The following FDFT1 variants were observed in gnomAD, a reference collection of about 807,000 sequenced individuals.
FDFT1 encodes the protein squalene synthase.
A neutral mutation model predicts 46.8 loss-of-function variants in FDFT1; 68 were observed. The ratio of observed to expected loss-of-function variants is 1.45; its 90% confidence interval spans 1.19 to 1.78. The LOEUF is 1.78. Ranked by LOEUF, FDFT1 falls within the 40% of genes most tolerant of loss-of-function variation. FDFT1 has a pLI of 0.00. For synonymous variants in FDFT1, 351 were observed against 185.1 expected (o/e 1.90, Z -7.28); for missense variants, 928 against 524.4 (o/e 1.77, Z -7.52).
At chr8:11,823,279 T>G (rs964046451) in intron 4 of FDFT1, among the ~76,000 whole-genome samples, 3 of 152,146 alleles carry the variant, frequency 2.0e-5, no homozygotes, top group African/African-American at 7.2e-5. Context: ...TTCTTCTACT[T>G]TGGGGGAAGA....
At chr8:11,798,848 A>C (rs11774161), upstream of FDFT1, among the ~76,000 whole-genome samples, 16,857 of 152,246 alleles carry the variant, frequency 0.11, 1,029 homozygotes, top group South Asian at 0.13. Flanking sequence ...TTAGATTTCT[A>C]GTGTTGACTT....
At chr8:11,797,353 C>G (rs1016489716), upstream of FDFT1, among the ~76,000 whole-genome samples, 3 of 152,186 alleles carry the variant, frequency 2.0e-5, no homozygotes, top group Non-Finnish European at 4.4e-5. Flanking sequence ...ACACCTAAGT[C>G]AGACTGAGGG....
chr8:11,799,434 G>A (rs537482537), upstream of FDFT1, among the ~76,000 whole-genome samples: 2 of 152,366 alleles, frequency 1.3e-5, no homozygotes, highest in African/African-American at 4.8e-5. Flanking sequence ...TTCTTCAAGT[G>A]TAGGGGTGCC....
chr8:11,827,517 A>AG (rs1400412659), intron 5 of FDFT1, among the ~76,000 whole-genome samples: 1 of 151,812 alleles, frequency 6.6e-6, no homozygotes, highest in Non-Finnish European at 1.5e-5. Context: ...AACTGTCTCA[A>AG]GAAAAAAAAA....
intron 3 of FDFT1, among the ~76,000 whole-genome samples, chr8:11,814,986 T>G (rs933804834): frequency 6.6e-6 from 1 of 152,144 alleles, no homozygotes; most frequent in Non-Finnish European, 1.5e-5. Context: ...GTCATTTACA[T>G]TAGGTATTTC....
intron 3 of FDFT1, among the ~76,000 whole-genome samples, chr8:11,816,117 A>C (rs1230929427): frequency 6.6e-6 from 1 of 152,224 alleles, no homozygotes; most frequent in Non-Finnish European, 1.5e-5. Flanking sequence ...GCATTTATTA[A>C]ATAGGGAATC....
At chr8:11,806,293 C>G (rs1442703801) in intron 1 of FDFT1, among the ~76,000 whole-genome samples, 1 of 152,160 alleles carries the variant, frequency 6.6e-6, no homozygotes, top group East Asian at 1.9e-4. Context: ...CACCAGTAGC[C>G]TGAGCTTGCT....
At chr8:11,833,783 G>C (rs1586007944) in intron 7 of FDFT1, among the ~76,000 whole-genome samples, 1 of 152,170 alleles carries the variant, frequency 6.6e-6, no homozygotes, top group African/African-American at 2.4e-5. Flanking sequence ...ATATTTTTTG[G>C]CCCTTGAATA....
At chr8:11,829,625 A>C (rs1332545046) in intron 5 of FDFT1, among the ~76,000 whole-genome samples, 1 of 152,204 alleles carries the variant, frequency 6.6e-6, no homozygotes, top group African/African-American at 2.4e-5. Flanking sequence ...AGTAGCTCTA[A>C]CAGGAGCCTC....
At chr8:11,814,129 CTG>C (rs1808114786) in intron 3 of FDFT1, among the ~76,000 whole-genome samples, 1 of 152,174 alleles carries the variant, frequency 6.6e-6, no homozygotes, top group Non-Finnish European at 1.5e-5. Flanking sequence ...AACCAAGGAT[CTG>C]TGGAATGAGC....
At chr8:11,837,941 C>G (rs1019456094) in intron 7 of FDFT1, among the ~76,000 whole-genome samples, 1 of 152,156 alleles carries the variant, frequency 6.6e-6, no homozygotes, top group African/African-American at 2.4e-5. Flanking sequence ...CTGTTCCTGT[C>G]CCCCTTTGTC....
chr8:11,801,087 T>C (rs1277404579), upstream of FDFT1, among the ~76,000 whole-genome samples: 1 of 151,996 alleles, frequency 6.6e-6, no homozygotes, highest in East Asian at 1.9e-4. Flanking sequence ...CTAGATGAGG[T>C]GTGAGCAGAC....
chr8:11,824,151 C>T (rs920084205), intron 4 of FDFT1, among the ~76,000 whole-genome samples: 2 of 152,154 alleles, frequency 1.3e-5, no homozygotes, highest in African/African-American at 2.4e-5. Context: ...GCGTGAACTT[C>T]GGTCATTTCC....
chr8:11,803,435 C>CT, intron 1 of FDFT1: 1 of 1,286,522 alleles, frequency 7.8e-7, no homozygotes, highest in Non-Finnish European at 1.0e-6. Flanking sequence ...TCGGTGCTTC[C>CT]TGAGTTTTAA....
At chr8:11,826,516 A>G (rs1421553151) in intron 5 of FDFT1, among the ~76,000 whole-genome samples, 3 of 152,214 alleles carry the variant, frequency 2.0e-5, no homozygotes, top group African/African-American at 7.2e-5. Context: ...AAAAGTTCTT[A>G]GGAATGGCTT....
intron 3 of FDFT1, among the ~76,000 whole-genome samples, chr8:11,813,433 C>G (rs892240866): frequency 2.0e-5 from 3 of 152,168 alleles, no homozygotes; most frequent in African/African-American, 7.2e-5. Context: ...CATCGTTTAA[C>G]AGGGAAATTA....
intron 3 of FDFT1, among the ~76,000 whole-genome samples, chr8:11,815,040 C>T (rs1808261202): frequency 6.6e-6 from 1 of 152,064 alleles, no homozygotes; most frequent in South Asian, 2.1e-4. Context: ...CACAACAGGC[C>T]CCGGTATGTG....
At chr8:11,826,737 C>T (rs1157188410) in intron 5 of FDFT1, among the ~76,000 whole-genome samples, 4 of 152,160 alleles carry the variant, frequency 2.6e-5, no homozygotes, top group Non-Finnish European at 5.9e-5. Flanking sequence ...ATCGCTTGAA[C>T]CCAGGAAGCA....
chr8:11,826,358 G>T, intron 5 of FDFT1, 143 bp downstream of exon 5: 1 of 535,948 alleles, frequency 1.9e-6, no homozygotes, highest in South Asian at 3.4e-5. Context: ...AGGATAGCTT[G>T]ACATGAGTTT....
Sources: gnomAD v4.1 joint callset for allele counts (sites outside exome capture counted in the v4.1 genomes callset) on GRCh38, gnomAD v4.1.1 for gene constraint, MANE v1.5 for transcripts, NCBI Gene and HGNC (gene_info 2026-07-23, HGNC 2026-07-21) for gene names.